Variants in CALCR observed in about 807,000 individuals in gnomAD.
CALCR encodes calcitonin receptor.
A neutral mutation model predicts 59.5 loss-of-function variants in CALCR; 47 were observed. The observed-to-expected ratio is 0.79, with a 90% CI of 0.63 to 1.01. The LOEUF (loss-of-function observed/expected upper bound fraction) is 1.01, where lower values mean the gene tolerates loss of function less well. CALCR is among the 50% of genes least tolerant of loss of function. The probability of loss-of-function intolerance (pLI) is 0.00; values close to 1 mark genes in which losing one functional copy is unlikely to be tolerated. For missense variants in CALCR, 566 were observed against 597.1 expected, an observed-to-expected ratio of 0.95 and a Z score of 0.54; for synonymous variants, 213 against 211.3, an observed-to-expected ratio of 1.01 and a Z score of -0.07.
rs748644418 is a variant in CALCR, at chr7:93,495,963, G to C, written c.-26-8956C>G. 13 of 1,507,788 alleles carry C rather than the reference G, an allele frequency of 8.6e-6. No individual in the cohort carries two copies. The South Asian group carries it at 1.4e-4, about 16-fold the overall frequency. 93.4% of individuals were successfully genotyped at this position (1,507,788 alleles called of 1,614,324 possible). On this transcript the variant is annotated intron_variant, in intron 2 of 13. Coordinates refer to ENST00000426151, the MANE Select transcript of CALCR (RefSeq NM_001742.4). ...GTGGCAAAAGTGGGTGGATCAGTGG[G>C]AATCATTTATTCTGTGAATAAATAA...
chr7:93,441,193 C>CT (rs1268185677), intron 9 of CALCR, among the ~76,000 whole-genome samples: 7 of 152,040 alleles, frequency 4.6e-5, no homozygotes, highest in African/African-American at 1.7e-4. Flanking sequence ...CATTTACAGC[C>CT]TTTTTTTCCC....
chr7:93,461,947 C>G (rs1326405934), intron 7 of CALCR: 2 of 674,070 alleles, frequency 3.0e-6, no homozygotes, highest in East Asian at 2.8e-5. Context: ...ATGCCAATGA[C>G]TCATAACACT....
At chr7:93,502,327 G>A (rs1212768233) in intron 2 of CALCR, among the ~76,000 whole-genome samples, 2 of 152,034 alleles carry the variant, frequency 1.3e-5, no homozygotes, top group Non-Finnish European at 2.9e-5. Context: ...GTCAATAAGC[G>A]GCAGAGACAG....
chr7:93,434,395 A>AG (rs1799728377), intron 12 of CALCR, 101 bp from the exon 13 acceptor site: 2 of 717,494 alleles, frequency 2.8e-6, no homozygotes, highest in Admixed American at 5.1e-5. Flanking sequence ...TGATGAAAAA[A>AG]AAAAAAAGCA....
intron 2 of CALCR, among the ~76,000 whole-genome samples, chr7:93,547,861 CG>C (rs930648410): frequency 6.6e-6 from 1 of 152,006 alleles, no homozygotes; most frequent in Non-Finnish European, 1.5e-5. Flanking sequence ...GAACATTGTA[CG>C]GGGGGTAGTT....
intron 3 of CALCR, chr7:93,484,073 A>T: frequency 2.1e-6 from 1 of 470,928 alleles, no homozygotes; most frequent in South Asian, 1.5e-5. Flanking sequence ...GTCGACAAAT[A>T]CTTTGAGTGC....
At chr7:93,476,705 C>T (rs10233275) in intron 5 of CALCR, among the ~76,000 whole-genome samples, 3,115 of 151,876 alleles carry the variant, frequency 0.021, 101 homozygotes, top group African/African-American at 0.071. Flanking sequence ...AACAGCTCTT[C>T]GTGCCAATCA....
At chr7:93,449,256 T>G (rs1351161383) in intron 8 of CALCR, among the ~76,000 whole-genome samples, 1 of 151,922 alleles carries the variant, frequency 6.6e-6, no homozygotes, top group Non-Finnish European at 1.5e-5. Context: ...GAGGGAAGAG[T>G]GTGAAGTGAT....
intron 3 of CALCR, among the ~76,000 whole-genome samples, chr7:93,481,069 G>C (rs576779344): frequency 1.2e-4 from 18 of 151,940 alleles, no homozygotes; most frequent in African/African-American, 4.3e-4. Context: ...CCTCAACCTA[G>C]GAAACGTAAA....
chr7:93,448,580 A>G (rs1800049162), intron 8 of CALCR, among the ~76,000 whole-genome samples: 3 of 152,020 alleles, frequency 2.0e-5, no homozygotes, highest in South Asian at 4.1e-4. Context: ...ACATAAACAA[A>G]TAAGTGCCAC....
chr7:93,502,524 G>A lies in CALCR; in HGVS notation c.-26-15517C>T, dbSNP rs778580859. Among the ~76,000 whole-genome samples, 5 of 151,672 alleles carry A rather than the reference G, an allele frequency of 3.3e-5. No individual in the cohort carries two copies. In the East Asian group the frequency reaches 5.8e-4, roughly 18 times the overall value. Reference sequence around the variant, plus strand: ...TATAACTATCTTCTGGCTAAGTTTCGCTGTATTAACATTATAAGTTTGTAA... The same window carrying A: ...TATAACTATCTTCTGGCTAAGTTTCACTGTATTAACATTATAAGTTTGTAA... On this transcript the variant is annotated intron_variant, in intron 2 of 13. Transcript: ENST00000426151.
chr7:93,479,254 T>C, intron 4 of CALCR, 100 bp downstream of exon 4: 2 of 1,210,952 alleles, frequency 1.7e-6, no homozygotes, highest in Non-Finnish European at 2.3e-6. Flanking sequence ...TGAAAACTGC[T>C]GGCATATTAA....
intron 5 of CALCR, among the ~76,000 whole-genome samples, chr7:93,474,654 C>T (rs1458413172): frequency 6.6e-6 from 1 of 151,742 alleles, no homozygotes. Context: ...AGATACTCTC[C>T]AGTTCTTCAA....
At chr7:93,491,527 C>T (rs891671513) in intron 2 of CALCR, among the ~76,000 whole-genome samples, 1 of 151,946 alleles carries the variant, frequency 6.6e-6, no homozygotes, top group African/African-American at 2.4e-5. Context: ...GTCTAATATC[C>T]AAAATTTACA....
chr7:93,546,078 A>G (rs1179165970), intron 2 of CALCR, among the ~76,000 whole-genome samples: 1 of 152,172 alleles, frequency 6.6e-6, no homozygotes, highest in African/African-American at 2.4e-5. Flanking sequence ...AAATTTTTTT[A>G]CCATAATCCC....
chr7:93,520,788 G>C (rs538364467), intron 2 of CALCR, among the ~76,000 whole-genome samples: 1 of 151,966 alleles, frequency 6.6e-6, no homozygotes, highest in Non-Finnish European at 1.5e-5. Context: ...CCTGAAAGTG[G>C]GGCCAATTTT....
At chr7:93,549,163 T>C (rs561209443) in intron 2 of CALCR, among the ~76,000 whole-genome samples, 1 of 152,292 alleles carries the variant, frequency 6.6e-6, no homozygotes, top group African/African-American at 2.4e-5. Flanking sequence ...TGTGACTTCA[T>C]GTTCTCATGT....
At chr7:93,432,111 A>G (rs555545093) in intron 13 of CALCR, among the ~76,000 whole-genome samples, 2 of 152,238 alleles carry the variant, frequency 1.3e-5, no homozygotes, top group South Asian at 4.2e-4. Flanking sequence ...TCTCTATATA[A>G]TTCATTTTCA....
rs539410307 is a variant in CALCR at position 93,444,989 on chromosome 7, G to C, written c.649-1232C>G. 2.0e-5 allele frequency among the ~76,000 whole-genome samples: 3 copies of C among 152,096 alleles called. No individual in the cohort carries two copies. In the South Asian group the frequency reaches 6.2e-4, roughly 32 times the overall value. On this transcript the variant is annotated intron_variant, in intron 8 of 13. Transcript: ENST00000426151. ...TCGTTTACTCAAAACCTGTTGTGCT[G>C]AGCCAACAGATATTCTACTGTGTTT...
Sources: allele counts gnomAD v4.1 joint callset (sites outside exome capture counted in the v4.1 genomes callset), GRCh38; gene constraint gnomAD v4.1.1; transcripts MANE v1.5; gene names NCBI Gene and HGNC (gene_info 2026-07-23, HGNC 2026-07-21).